The following HDAC9 variants were observed in gnomAD, a reference collection of about 807,000 sequenced individuals.
The protein encoded by HDAC9 is MEF-2 interacting transcription repressor (MITR) protein.
In HDAC9, 41 loss-of-function variants were observed where a neutral mutation model predicts 139.4. The observed-to-expected ratio is 0.29, with a 90% CI of 0.23 to 0.38. The LOEUF is 0.38. Among genes scored for constraint, HDAC9 ranks in the 10% least tolerant of loss-of-function variants. The pLI, the probability that HDAC9 is intolerant of heterozygous loss-of-function variation, is 1.00. For synonymous variants in HDAC9, 517 were observed against 476.2 expected (o/e 1.09, Z -1.12); for missense variants, 1,147 against 1,297.0 (o/e 0.88, Z 1.78).
intron 2 of HDAC9, among the ~76,000 whole-genome samples, chr7:18,235,208 T>C (rs1377432758): frequency 6.6e-6 from 1 of 152,174 alleles, no homozygotes; most frequent in Admixed American, 6.5e-5. Flanking sequence ...AATGAAAACA[T>C]TTTTGTGTGG....
chr7:18,311,161 C>T (rs1273577596), intron 1 of HDAC9, among the ~76,000 whole-genome samples: 2 of 151,902 alleles, frequency 1.3e-5, no homozygotes, highest in African/African-American at 4.8e-5. Flanking sequence ...CTGCAGTTAA[C>T]ATTTAGAGGT....
intron 2 of HDAC9, among the ~76,000 whole-genome samples, chr7:18,228,159 A>G (rs1435197261): frequency 6.6e-6 from 1 of 152,196 alleles, no homozygotes; most frequent in Admixed American, 6.5e-5. Flanking sequence ...TGTTTAACAC[A>G]CCTTTAGTCA....
chr7:18,921,827 C>T (rs189660529), intron 22 of HDAC9, among the ~76,000 whole-genome samples: 8 of 152,156 alleles, frequency 5.3e-5, no homozygotes, highest in East Asian at 1.9e-4. Context: ...TGGAACCAAC[C>T]CAAATGTCCA....
chr7:18,826,113 G>A (rs566717011), intron 17 of HDAC9, among the ~76,000 whole-genome samples: 1 of 152,106 alleles, frequency 6.6e-6, no homozygotes, highest in Non-Finnish European at 1.5e-5. Context: ...GTGTGACAGA[G>A]AATAAAGGAA....
intron 12 of HDAC9, among the ~76,000 whole-genome samples, chr7:18,707,137 T>A (rs1309252702): frequency 6.6e-6 from 1 of 151,844 alleles, no homozygotes; most frequent in Non-Finnish European, 1.5e-5. Context: ...AGGGAGGAAC[T>A]GGAAGGGTGG....
intron 11 of HDAC9, among the ~76,000 whole-genome samples, chr7:18,649,669 A>G (rs1378768093): frequency 6.6e-6 from 1 of 152,158 alleles, no homozygotes; most frequent in Non-Finnish European, 1.5e-5. Context: ...AGGCTTAATC[A>G]TCTTTCTAAC....
At chr7:18,340,736 G>A (rs1279838133) in intron 1 of HDAC9, among the ~76,000 whole-genome samples, 1 of 151,312 alleles carries the variant, frequency 6.6e-6, no homozygotes, top group Non-Finnish European at 1.5e-5. Flanking sequence ...TATGAGTTTT[G>A]TTTAAACATT....
Position 18,585,360 on chromosome 7 carries a change from G to A in HDAC9, c.102G>A (p.Met34Ile). The change falls in exon 3 of 26, where the codon ATG becomes ATA. Residue 34 changes from methionine (M) to isoleucine (I), a missense_variant. Met to Ile is a conservative substitution (Grantham distance 10, BLOSUM62 1). This residue lies in a region of HDAC9 where 136 missense variants were observed against 183.5 expected (regional missense o/e 0.74). Coordinates refer to ENST00000686413, the MANE Select transcript of HDAC9 (RefSeq NM_178425.4). The part of the protein sequence containing the change: ...LDLRTDLRMM[M>I]PVVDPVVREK... ...TAAGGACAGACCTCAGGATGATGAT[G>A]CCCGTGGTGGACCCTGTTGTCCGTG... is the stretch of plus-strand genomic sequence containing the variant. 2 of 1,610,840 alleles carry A rather than the reference G, an allele frequency of 1.2e-6. No individual in the cohort carries two copies. Among genetic ancestry groups the A allele is most frequent in the South Asian group, 1.1e-5 (1 of 91,010 alleles).
intron 1 of HDAC9, among the ~76,000 whole-genome samples, chr7:18,357,403 T>G (rs1220022748): frequency 6.6e-6 from 1 of 152,134 alleles, no homozygotes; most frequent in African/African-American, 2.4e-5. Context: ...TTTTTTTTCC[T>G]CAGTAAACTT....
chr7:18,122,004 C>G (rs941959766), intron 1 of HDAC9, among the ~76,000 whole-genome samples: 1 of 151,542 alleles, frequency 6.6e-6, no homozygotes, highest in Non-Finnish European at 1.5e-5. Flanking sequence ...GAAATGAAGG[C>G]ATTCTTGTAT....
chr7:18,919,062 G>T (rs962445149), intron 22 of HDAC9, among the ~76,000 whole-genome samples: 1 of 152,012 alleles, frequency 6.6e-6, no homozygotes. Context: ...AAATACTTGA[G>T]TTAATCAGTA....
At chr7:18,650,372 TG>T (rs1788859080) in intron 11 of HDAC9, among the ~76,000 whole-genome samples, 1 of 152,174 alleles carries the variant, frequency 6.6e-6, no homozygotes, top group South Asian at 2.1e-4. Flanking sequence ...TAGAAACACA[TG>T]GATGTATATA....
At chr7:18,130,139 T>A (rs1784912131) in intron 1 of HDAC9, among the ~76,000 whole-genome samples, 1 of 152,130 alleles carries the variant, frequency 6.6e-6, no homozygotes, top group Admixed American at 6.6e-5. Context: ...TATATACCAG[T>A]TGAGCAGCCC....
At chr7:18,694,238 T>C (rs1368456912) in intron 12 of HDAC9, among the ~76,000 whole-genome samples, 2 of 152,122 alleles carry the variant, frequency 1.3e-5, no homozygotes, top group Admixed American at 1.3e-4. Context: ...TCCATAGTTT[T>C]TGTATGCAAT....
chr7:18,094,261 A>G (rs1443347824), intron 1 of HDAC9, among the ~76,000 whole-genome samples: 1 of 152,194 alleles, frequency 6.6e-6, no homozygotes, highest in South Asian at 2.1e-4. Context: ...GGTCAACAGT[A>G]CTAATCTATT....
rs1824779230 is a variant in HDAC9, at chr7:18,572,924, T to C, written c.23-12357T>C. Among the ~76,000 whole-genome samples the C allele has an allele frequency of 2.0e-5, 3 of 152,246 alleles. No individual in the cohort carries two copies. The South Asian group carries it at 6.2e-4, about 31-fold the overall frequency. On this transcript the variant is annotated intron_variant, in intron 2 of 25. Transcript: ENST00000686413. ...TTCATGTTTGTGTTATGGTTTGTTA[T>C]GACTGCTTAATTCAAAAGCATATTT...
intron 13 of HDAC9, among the ~76,000 whole-genome samples, chr7:18,729,737 C>T (rs914895236): frequency 2.0e-5 from 3 of 152,114 alleles, no homozygotes; most frequent in South Asian, 2.1e-4. Flanking sequence ...ATTCCAAAAA[C>T]AAATAGGAAA....
chr7:18,390,722 G>A (rs1459218769), intron 1 of HDAC9, among the ~76,000 whole-genome samples: 3 of 152,214 alleles, frequency 2.0e-5, no homozygotes, highest in African/African-American at 7.2e-5. Flanking sequence ...TGGCCAAGGA[G>A]AAGTGACTTA....
At chr7:18,479,682 A>AT (rs1215495134) in intron 1 of HDAC9, among the ~76,000 whole-genome samples, 2 of 152,100 alleles carry the variant, frequency 1.3e-5, no homozygotes, top group East Asian at 1.9e-4. Flanking sequence ...CTAAATATTG[A>AT]TTTTTTTCTA....
Sources: gnomAD v4.1 joint callset for allele counts (sites outside exome capture counted in the v4.1 genomes callset) on GRCh38, gnomAD v4.1.1 for gene constraint, gnomAD v4.1.1 regional missense constraint, MANE v1.5 for transcripts, NCBI Gene and HGNC (gene_info 2026-07-23, HGNC 2026-07-21) for gene names.